CHP1: variants seen among roughly 807,000 people sequenced by gnomAD.
CHP1 encodes the protein calcineurin like EF-hand protein 1.
In CHP1, 11 loss-of-function variants were observed where a neutral mutation model predicts 27.4. That is an observed-to-expected ratio of 0.40 (90% CI 0.25 to 0.67). The LOEUF (loss-of-function observed/expected upper bound fraction) is 0.67. Ranked by LOEUF, CHP1 falls within the 30% of genes least tolerant of loss-of-function variation. CHP1 has a pLI of 0.38. For missense variants in CHP1, 169 were observed against 251.3 expected, an observed-to-expected ratio of 0.67 and a Z score of 2.22; for synonymous variants, 89 against 87.4, an observed-to-expected ratio of 1.02 and a Z score of -0.10.
In CHP1 at chr15:41,259,150, A is replaced by C. The variant is rs115566425; in HGVS notation, c.221+2160A>C. On this transcript the variant is annotated intron_variant, in intron 3 of 6. Coordinates refer to ENST00000334660, the MANE Select transcript of CHP1 (RefSeq NM_007236.5). The stretch of plus-strand genomic sequence containing the variant: ...CTCTTTTACCCCTGCAAAGCATTGA[A>C]CCCTATCCAGAGATAACTTTCACAG... 1.6e-3 allele frequency among the ~76,000 whole-genome samples: 242 copies of C among 152,172 alleles called. 2 individuals carry two copies. The highest frequency in any genetic ancestry group is 5.6e-3 in the African/African-American group (233 of 41,514).
At chr15:41,231,531 C>G (rs2047242094) in intron 1 of CHP1, 82 bp downstream of exon 1, 1 of 1,369,454 alleles carries the variant, frequency 7.3e-7, no homozygotes. Flanking sequence ...AGGTCTGGAG[C>G]TCGGGTGCCT....
At chr15:41,257,184 A>C (rs2047404971) in intron 3 of CHP1, among the ~76,000 whole-genome samples, 194 bp downstream of exon 3, 1 of 152,204 alleles carries the variant, frequency 6.6e-6, no homozygotes, top group Non-Finnish European at 1.5e-5. Flanking sequence ...CTTCAAATAG[A>C]TATATGAGCC....
chr15:41,253,242 A>T (rs946046838), intron 2 of CHP1, among the ~76,000 whole-genome samples: 1 of 151,282 alleles, frequency 6.6e-6, no homozygotes, highest in African/African-American at 2.4e-5. Flanking sequence ...CGGCCTTCGG[A>T]TGGATCTTAT....
At chr15:41,241,191 C>T (rs1295654358) in intron 1 of CHP1, among the ~76,000 whole-genome samples, 1 of 152,186 alleles carries the variant, frequency 6.6e-6, no homozygotes, top group Non-Finnish European at 1.5e-5. Flanking sequence ...TTTTGTTAAA[C>T]TAAAGGGAAC....
At chr15:41,232,294 TC>T (rs1375692033) in intron 1 of CHP1, among the ~76,000 whole-genome samples, 3 of 151,134 alleles carry the variant, frequency 2.0e-5, no homozygotes, top group Non-Finnish European at 4.4e-5. Flanking sequence ...CACTGCAACT[TC>T]CGCCTCCCAG....
chr15:41,231,412 G>A lies in CHP1; in HGVS notation c.30G>A (p.Arg10=), dbSNP rs1238376940. The A allele has an allele frequency of 6.2e-7, 1 of 1,605,312 alleles. No individual in the cohort carries two copies. The highest frequency in any genetic ancestry group is 8.5e-7 in the Non-Finnish European group (1 of 1,176,992). MGSRASTLL[R]DEELEEIKKE... The stretch of plus-strand genomic sequence containing the variant: ...GTTCTCGGGCCTCCACGTTACTGCG[G>A]GACGAAGAGCTCGAGGAGATCAAGA... Residue 10 remains arginine, a synonymous_variant, in exon 1 of 7, where the codon CGG becomes CGA. Coordinates refer to ENST00000334660, the MANE Select transcript of CHP1 (RefSeq NM_007236.5).
intron 2 of CHP1, among the ~76,000 whole-genome samples, chr15:41,252,033 C>T (rs868613319): frequency 3.3e-5 from 5 of 152,016 alleles, no homozygotes; most frequent in Admixed American, 6.6e-5. Context: ...TCAACCACCA[C>T]GCCTGGCCAT....
chr15:41,248,843 C>G (rs1259667111), intron 2 of CHP1, among the ~76,000 whole-genome samples: 2 of 152,166 alleles, frequency 1.3e-5, no homozygotes, highest in African/African-American at 2.4e-5. Flanking sequence ...ACATAGTAAA[C>G]GAGTAATATA....
chr15:41,240,523 G>A lies in CHP1; in HGVS notation c.68-3144G>A, dbSNP rs146480593. ...AATCCCAGCACTTTGGGAGGCCGAG[G>A]TGAGTGGATCACCCGAGGTTGGGAG... On this transcript the variant is annotated intron_variant, in intron 1 of 6. Transcript: ENST00000334660. Among the ~76,000 whole-genome samples, 414 of 152,248 alleles carry A rather than the reference G, an allele frequency of 2.7e-3. 12 individuals carry two copies. In the East Asian group the frequency reaches 0.065, roughly 24 times the overall value.
intron 1 of CHP1, among the ~76,000 whole-genome samples, chr15:41,239,283 A>T (rs558040253): frequency 6.6e-6 from 1 of 150,762 alleles, no homozygotes; most frequent in Non-Finnish European, 1.5e-5. Flanking sequence ...ATGTTTCTCC[A>T]CTGACTCCCA....
chr15:41,263,844 C>T (rs1326314509), intron 4 of CHP1, among the ~76,000 whole-genome samples: 1 of 152,192 alleles, frequency 6.6e-6, no homozygotes, highest in Admixed American at 6.5e-5. Context: ...CACTGCACTT[C>T]AGCCCAGGTG....
At chr15:41,261,079 C>T (rs928256453) in intron 3 of CHP1, among the ~76,000 whole-genome samples, 1 of 150,302 alleles carries the variant, frequency 6.7e-6, no homozygotes, top group Non-Finnish European at 1.5e-5. Flanking sequence ...TGATTGATTC[C>T]TTCCTTCCTT....
intron 1 of CHP1, among the ~76,000 whole-genome samples, chr15:41,240,473 G>A (rs2047300626): frequency 6.6e-6 from 1 of 152,174 alleles, no homozygotes; most frequent in Non-Finnish European, 1.5e-5. Context: ...TATATGAAGA[G>A]CTGGGCGCGG....
intron 2 of CHP1, among the ~76,000 whole-genome samples, chr15:41,253,402 A>G (rs531311085): frequency 4.4e-4 from 67 of 151,652 alleles, no homozygotes; most frequent in Middle Eastern, 6.8e-3. Context: ...TTCGTATATT[A>G]TTTATTTAAC....
At chr15:41,258,915 C>T (rs1256582955) in intron 3 of CHP1, among the ~76,000 whole-genome samples, 1 of 152,054 alleles carries the variant, frequency 6.6e-6, no homozygotes, top group Non-Finnish European at 1.5e-5. Flanking sequence ...AAGGAATTTG[C>T]TAGTTGAGAG....
chr15:41,231,596 AC>A (rs748046630), intron 1 of CHP1, 147 bp downstream of exon 1: 1 of 717,998 alleles, frequency 1.4e-6, no homozygotes, highest in Non-Finnish European at 2.4e-6. Flanking sequence ...GAGCTGGAAG[AC>A]CTGTTCTTCC....
At chr15:41,256,493 A>G (rs761147045) in intron 2 of CHP1, among the ~76,000 whole-genome samples, 6 of 152,214 alleles carry the variant, frequency 3.9e-5, no homozygotes, top group Non-Finnish European at 5.9e-5. Flanking sequence ...TAACAAGGAT[A>G]TGGAGACCCC....
At chr15:41,260,437 C>T (rs1192833966) in intron 3 of CHP1, among the ~76,000 whole-genome samples, 1 of 149,792 alleles carries the variant, frequency 6.7e-6, no homozygotes, top group African/African-American at 2.5e-5. Context: ...CTCTGTCACC[C>T]AGGCTGGAGT....
intron 5 of CHP1, among the ~76,000 whole-genome samples, chr15:41,272,739 G>T (rs2047496767): frequency 6.6e-6 from 1 of 151,694 alleles, no homozygotes; most frequent in South Asian, 2.1e-4. Context: ...CAATCTTATA[G>T]AAGACAGCGT....
Sources: allele counts gnomAD v4.1 joint callset (sites outside exome capture counted in the v4.1 genomes callset), GRCh38; gene constraint gnomAD v4.1.1; transcripts MANE v1.5; gene names NCBI Gene and HGNC (gene_info 2026-07-23, HGNC 2026-07-21).